PCDH15: variants seen among roughly 807,000 people sequenced by gnomAD.
PCDH15 encodes protocadherin-15.
PCDH15 carries 129 observed loss-of-function variants against 178.5 expected under a neutral mutation model. That is an observed-to-expected ratio of 0.72 (90% confidence interval 0.63 to 0.84). PCDH15 has a LOEUF of 0.84. Among genes scored for constraint, PCDH15 ranks in the 40% least tolerant of loss-of-function variants. The pLI is 0.00. For missense variants in PCDH15, 2,230 were observed against 2,099.9 expected, an observed-to-expected ratio of 1.06 and a Z score of -1.21; for synonymous variants, 800 against 732.0, an observed-to-expected ratio of 1.09 and a Z score of -1.50.
At chr10:53,905,942 CACAA>C (rs1352425470) in intron 25 of PCDH15, among the ~76,000 whole-genome samples, 1 of 151,932 alleles carries the variant, frequency 6.6e-6, no homozygotes, top group Non-Finnish European at 1.5e-5. Context: ...ACAACCAGCA[CACAA>C]ACAAAATCTC....
At chr10:53,959,437 C>T (rs1486401872) in intron 23 of PCDH15, among the ~76,000 whole-genome samples, 13 of 151,792 alleles carry the variant, frequency 8.6e-5, no homozygotes, top group African/African-American at 3.1e-4. Context: ...TATTTCTCAC[C>T]ATTCAGATCA....
At position 55,003,789 on chromosome 10, in the gene PCDH15, C is replaced by G. The variant is rs1839856465; in HGVS notation, c.-79-106289G>C. Among the ~76,000 whole-genome samples the G allele has an allele frequency of 2.0e-5, 3 of 150,900 alleles. No individual in the cohort carries two copies. The South Asian group carries it at 6.3e-4, about 32-fold the overall frequency. Reference sequence around the variant, plus strand: ...ATGAGACCCCCTTAGAAGGATTGGCCTCATACCTTATCTACACATTCCTTT... The same window carrying G: ...ATGAGACCCCCTTAGAAGGATTGGCGTCATACCTTATCTACACATTCCTTT... On this transcript the variant is annotated intron_variant, in intron 2 of 5. Transcript: ENST00000458638.
chr10:54,972,848 C>CAAAAAAAA (rs750356955), intron 2 of PCDH15, among the ~76,000 whole-genome samples: 3 of 53,504 alleles, frequency 5.6e-5, no homozygotes, highest in Admixed American at 4.7e-4. Context: ...GACTCCATCT[C>CAAAAAAAA]AAAAAAAAAA....
chr10:54,738,322 GAAAT>G (rs1039129713), intron 1 of PCDH15, among the ~76,000 whole-genome samples: 2 of 152,024 alleles, frequency 1.3e-5, no homozygotes, highest in Non-Finnish European at 2.9e-5. Context: ...CAGAGATATG[GAAAT>G]AAATAGTTTC....
In PCDH15 at chr10:55,441,343, T is replaced by A. The variant is rs116545676; in HGVS notation, c.-156+186282A>T. Among the ~76,000 whole-genome samples the A allele has an allele frequency of 6.3e-3, 965 of 152,320 alleles. 5 individuals are homozygous for A. Among genetic ancestry groups the A allele is most frequent in the African/African-American group, 0.021 (882 of 41,568 alleles). On this transcript the variant is annotated intron_variant, in intron 2 of 5. Coordinates refer to the PCDH15 transcript ENST00000613346. ...TACTGAAGACCACCTAGCCTTTGTG[T>A]TTGTTCTGAATTGCAAATTTTCATT...
intron 1 of PCDH15, among the ~76,000 whole-genome samples, chr10:55,266,102 G>A (rs995809132): frequency 2.0e-5 from 3 of 152,104 alleles, no homozygotes; most frequent in African/African-American, 7.2e-5. Flanking sequence ...CAATGTTGCT[G>A]TTACTATATT....
chr10:54,960,433 C>A (rs1293773682), intron 2 of PCDH15, among the ~76,000 whole-genome samples: 1 of 152,072 alleles, frequency 6.6e-6, no homozygotes, highest in Non-Finnish European at 1.5e-5. Flanking sequence ...TTGAGGTGGG[C>A]AGTATTTCAC....
intron 1 of PCDH15, among the ~76,000 whole-genome samples, chr10:54,748,484 A>G (rs1276953536): frequency 1.3e-5 from 2 of 152,120 alleles, no homozygotes; most frequent in East Asian, 3.9e-4. Flanking sequence ...GATTTTTTTG[A>G]AAAAGCTCAG....
chr10:54,291,832 G>T (rs1332313522), intron 8 of PCDH15, among the ~76,000 whole-genome samples: 3 of 152,142 alleles, frequency 2.0e-5, no homozygotes, highest in Non-Finnish European at 4.4e-5. Context: ...ATAATTAATA[G>T]CCTATCAACC....
intron 3 of PCDH15, among the ~76,000 whole-genome samples, chr10:54,398,999 T>C (rs1171300060): frequency 3.3e-5 from 5 of 152,148 alleles, no homozygotes; most frequent in Non-Finnish European, 7.4e-5. Context: ...TGTCTCTGGC[T>C]TTCTTAAAAG....
intron 26 of PCDH15, among the ~76,000 whole-genome samples, chr10:53,890,576 T>C (rs985375757): frequency 5.3e-5 from 8 of 152,160 alleles, no homozygotes; most frequent in African/African-American, 1.2e-4. Context: ...AGACCATAAA[T>C]GTCTAGGGGG....
intron 2 of PCDH15, among the ~76,000 whole-genome samples, chr10:54,590,950 T>C (rs557823239): frequency 3.9e-5 from 6 of 152,252 alleles, no homozygotes; most frequent in Non-Finnish European, 8.8e-5. Context: ...AGTATTTACA[T>C]GTACATGTAG....
chr10:53,897,218 T>C (rs780151006), intron 26 of PCDH15, among the ~76,000 whole-genome samples: 41 of 152,252 alleles, frequency 2.7e-4, no homozygotes, highest in Non-Finnish European at 5.1e-4. Flanking sequence ...CCTGACAGGC[T>C]GAGAGGATTA....
chr10:54,772,596 A>AC (rs113680750), intron 1 of PCDH15, among the ~76,000 whole-genome samples: 151,670 of 152,210 alleles, frequency 1, 75,569 homozygotes, highest in Middle Eastern at 1. Flanking sequence ...AATGGCTCTT[A>AC]TTAACGTTCA....
intron 2 of PCDH15, among the ~76,000 whole-genome samples, chr10:55,003,596 T>C (rs887219583): frequency 3.3e-5 from 5 of 152,212 alleles, no homozygotes; most frequent in Admixed American, 3.3e-4. Flanking sequence ...GAATATTCTT[T>C]ATTCAGGACA....
chr10:53,951,120 AT>A, intron 23 of PCDH15, among the ~76,000 whole-genome samples: 1 of 152,354 alleles, frequency 6.6e-6, no homozygotes, highest in South Asian at 2.1e-4. Flanking sequence ...TGAGAAAAGA[AT>A]TTTTATGAAT....
At chr10:53,809,318 C>T in intron 37 of PCDH15, 1 of 1,613,932 alleles carries the variant, frequency 6.2e-7, no homozygotes, top group Admixed American at 1.7e-5. Flanking sequence ...TAATCTTTAT[C>T]TTCTTCCTCA....
Position 53,995,657 on chromosome 10 carries a change from C to G in PCDH15, c.2860G>C (p.Asp954His). 6.2e-7 allele frequency: 1 copy of G among 1,613,902 alleles called. No individual in the cohort carries two copies. The highest frequency in any genetic ancestry group is 8.5e-7 in the Non-Finnish European group (1 of 1,179,816). The change falls in exon 21 of 38, where the codon GAC becomes CAC. Residue 954 changes from aspartate to histidine, a missense_variant. Physicochemically the swap from Asp to His is moderately conservative, Grantham distance 81. Transcript: ENST00000644397. ...CAATGCCTTCTACTTACAGGAGGGT[C>G]TGCATCTTCAGCATAAACTGTTGTG... ...PITTVYAEDA[D>H]PPGLPASRVR...
intron 1 of PCDH15, among the ~76,000 whole-genome samples, chr10:55,219,106 C>G (rs1392335533): frequency 6.6e-6 from 1 of 151,872 alleles, no homozygotes; most frequent in Non-Finnish European, 1.5e-5. Context: ...TGTGAGGGGC[C>G]TTAGATCAAA....
Sources: allele counts gnomAD v4.1 joint callset (sites outside exome capture counted in the v4.1 genomes callset), GRCh38; gene constraint gnomAD v4.1.1; transcripts MANE v1.5; gene names NCBI Gene and HGNC (gene_info 2026-07-23, HGNC 2026-07-21).